The following PRPSAP2 variants were observed in gnomAD, a reference collection of about 807,000 sequenced individuals.
The protein encoded by PRPSAP2 is phosphoribosyl pyrophosphate synthetase associated protein 2.
Under a neutral mutation model 40.6 loss-of-function variants are expected in PRPSAP2, and 24 were observed. That is an observed-to-expected ratio of 0.59 (90% CI 0.43 to 0.83). PRPSAP2 has a LOEUF of 0.83. PRPSAP2 is among the 40% of genes least tolerant of loss of function. The probability of loss-of-function intolerance (pLI) is 0.00; values close to 1 mark genes in which losing one functional copy is unlikely to be tolerated. For synonymous variants in PRPSAP2, 149 were observed against 164.7 expected (o/e 0.90, Z 0.73); for missense variants, 292 against 465.6 (o/e 0.63, Z 3.43).
At chr17:18,929,039 A>G in intron 11 of PRPSAP2, 82 bp downstream of exon 11, 1 of 1,526,290 alleles carries the variant, frequency 6.6e-7, no homozygotes. Context: ...AGTCAGGACA[A>G]GACTGAGATC....
chr17:18,919,617 G>A (rs2041577010), intron 9 of PRPSAP2, among the ~76,000 whole-genome samples: 1 of 152,182 alleles, frequency 6.6e-6, no homozygotes, highest in African/African-American at 2.4e-5. Flanking sequence ...AGTGAGCCAT[G>A]ATGGTGCCAC....
intron 8 of PRPSAP2, among the ~76,000 whole-genome samples, chr17:18,895,510 C>G (rs2039860960): frequency 6.6e-6 from 1 of 151,336 alleles, no homozygotes; most frequent in Non-Finnish European, 1.5e-5. Flanking sequence ...GTTATTCTGA[C>G]ATTGGGCTTT....
At chr17:18,892,745 A>ATTTTTATTATTTT (rs2039649179) in intron 8 of PRPSAP2, among the ~76,000 whole-genome samples, 1 of 125,706 alleles carries the variant, frequency 8.0e-6, no homozygotes, top group African/African-American at 3.0e-5. Flanking sequence ...TTATTTATTT[A>ATTTTTATTATTTT]TTTTTTTGAG....
chr17:18,927,266 C>G (rs1449985123), intron 10 of PRPSAP2, among the ~76,000 whole-genome samples: 2 of 152,226 alleles, frequency 1.3e-5, no homozygotes, highest in African/African-American at 2.4e-5. Context: ...CCACCCAACA[C>G]TGTTGCACTG....
Position 18,885,429 on chromosome 17 carries a change from A to AAAAAAAAAT in PRPSAP2, c.528+2746_528+2747insAAAAAAAAT, listed in dbSNP as rs59891086. On this transcript the variant is annotated intron_variant, in intron 7 of 11. Transcript: ENST00000268835. The stretch of plus-strand genomic sequence containing the variant: ...AAAAAAAAAAAAAAAAAAAAAAAAA[A>AAAAAAAAAT]TTAATATGTGGGAACTCAGTGTTAA... 6.2e-4 allele frequency among the ~76,000 whole-genome samples: 68 copies of AAAAAAAAAT among 109,302 alleles called. 6 individuals carry two copies. Among genetic ancestry groups the AAAAAAAAAT allele is most frequent in the Non-Finnish European group, 6.7e-4 (36 of 53,714 alleles). The allele number at this position is 109,302 out of a possible 152,430, so 71.7% of individuals were successfully genotyped here.
intron 8 of PRPSAP2, among the ~76,000 whole-genome samples, chr17:18,909,025 A>G (rs543771943): frequency 6.6e-5 from 10 of 152,340 alleles, no homozygotes; most frequent in South Asian, 2.1e-4. Flanking sequence ...GCATAAATCA[A>G]TGAAATAGAA....
chr17:18,875,415 A>G (rs1470590372), intron 5 of PRPSAP2, among the ~76,000 whole-genome samples: 1 of 151,842 alleles, frequency 6.6e-6, no homozygotes, highest in East Asian at 1.9e-4. Flanking sequence ...AATACAAAAA[A>G]TTAGCTGGGC....
At chr17:18,872,994 A>T (rs1033948661) in intron 5 of PRPSAP2, among the ~76,000 whole-genome samples, 5 of 151,430 alleles carry the variant, frequency 3.3e-5, no homozygotes, top group Non-Finnish European at 4.4e-5. Context: ...AGTTGGCGCC[A>T]CCACGCCTGG....
intron 5 of PRPSAP2, 86 bp downstream of exon 5, chr17:18,872,735 G>A: frequency 9.5e-7 from 1 of 1,054,150 alleles, no homozygotes. Flanking sequence ...GCCAGGAAGA[G>A]TTATAATAGT....
chr17:18,912,328 C>A (rs1253208315), intron 9 of PRPSAP2, among the ~76,000 whole-genome samples: 1 of 152,158 alleles, frequency 6.6e-6, no homozygotes, highest in African/African-American at 2.4e-5. Context: ...CACTGACCCC[C>A]TTCGTAGAGC....
At chr17:18,884,979 G>A (rs2039025153) in intron 7 of PRPSAP2, among the ~76,000 whole-genome samples, 1 of 152,146 alleles carries the variant, frequency 6.6e-6, no homozygotes, top group Non-Finnish European at 1.5e-5. Context: ...CGAAGGCTGG[G>A]GCACCCTTGT....
intron 7 of PRPSAP2, among the ~76,000 whole-genome samples, chr17:18,885,429 A>AAT (rs59891086): frequency 0.012 from 1,291 of 109,172 alleles, 138 homozygotes; most frequent in African/African-American, 0.043. Flanking sequence ...AAAAAAAAAA[A>AAT]TTAATATGTG....
chr17:18,898,496 C>T (rs138709679), intron 8 of PRPSAP2, among the ~76,000 whole-genome samples: 252 of 152,200 alleles, frequency 1.7e-3, no homozygotes, highest in African/African-American at 5.9e-3. Context: ...TGCTGGTTTT[C>T]CTTCATTTGA....
In PRPSAP2 at chr17:18,930,855, C is replaced by T. The variant is rs576461030; in HGVS notation, c.*157C>T. 1.1e-5 allele frequency: 6 copies of T among 571,290 alleles called. No individual in the cohort carries two copies. The South Asian group carries it at 2.2e-4, about 21-fold the overall frequency. The allele number at this position is 571,290 out of a possible 1,614,324, so 35.4% of individuals were successfully genotyped here. A position where few individuals can be genotyped will look rare whatever the true frequency, so the allele number is the denominator to read the frequency against. ...AAGAAGATAGACCAACTTTTTATGT[C>T]GGTTTGGGTGTTTGTGAGTTTGGGG... On this transcript the variant is annotated 3_prime_UTR_variant, in exon 12 of 12. Transcript: ENST00000268835.
chr17:18,865,795 C>A lies in PRPSAP2; in HGVS notation c.-32-7C>A. 3 of 1,430,162 alleles carry A rather than the reference C, an allele frequency of 2.1e-6. No homozygotes were observed. The highest frequency in any genetic ancestry group is 1.7e-5 in the South Asian group (1 of 60,122). The allele number at this position is 1,430,162 out of a possible 1,614,324, so 88.6% of individuals were successfully genotyped here. On this transcript the variant is annotated splice_polypyrimidine_tract_variant and splice_region_variant and intron_variant, in intron 2 of 11. Transcript: ENST00000268835. ...GGCAGTTTTTAATAAGTATTATATC[C>A]TTCTAGGCTCTGAAAATTGGAAAAC...
intron 8 of PRPSAP2, among the ~76,000 whole-genome samples, chr17:18,909,536 G>GC (rs1040479841): frequency 1.3e-5 from 2 of 151,962 alleles, no homozygotes; most frequent in African/African-American, 2.4e-5. Flanking sequence ...GAGCCACTGC[G>GC]CCCGGCCTAT....
chr17:18,908,606 T>C lies in PRPSAP2; in HGVS notation c.585-2497T>C, dbSNP rs183868256. The C allele has an allele frequency of 2.3e-4, 164 of 724,646 alleles. No homozygotes were observed. In the African/African-American group the frequency reaches 2.6e-3, roughly 12 times the overall value. The allele number at this position is 724,646 out of a possible 1,614,324, so 44.9% of individuals were successfully genotyped here. A position where few individuals can be genotyped will look rare whatever the true frequency, so the allele number is the denominator to read the frequency against. Reference sequence around the variant, plus strand: ...CTGATAATGGAGCTGAAGCCCAACATGGGTAGTGACCATGCCTGGGTCTGG... The same window carrying C: ...CTGATAATGGAGCTGAAGCCCAACACGGGTAGTGACCATGCCTGGGTCTGG... On this transcript the variant is annotated intron_variant, in intron 8 of 11. Coordinates refer to ENST00000268835, the MANE Select transcript of PRPSAP2 (RefSeq NM_002767.4).
chr17:18,930,445 C>T, intron 11 of PRPSAP2, 95 bp from the exon 12 acceptor site: 1 of 1,235,420 alleles, frequency 8.1e-7, no homozygotes, highest in Non-Finnish European at 1.1e-6. Context: ...CCTGTCGTGG[C>T]AAGCCTCAGA....
At position 18,923,896 on chromosome 17, in the gene PRPSAP2, G is replaced by A; in HGVS notation, c.734-18G>A. 1.9e-6 allele frequency: 3 copies of A among 1,592,848 alleles called. No individual in the cohort carries two copies. The highest frequency in any genetic ancestry group is 2.6e-6 in the Non-Finnish European group (3 of 1,169,828). ...TTTTAATATAAAAATTTTGGTGTGT[G>A]TGTTTTATTCCAACCAGTGCTGATT... is the stretch of plus-strand genomic sequence containing the variant. On this transcript the variant is annotated intron_variant, in intron 9 of 11. Coordinates refer to ENST00000268835, the MANE Select transcript of PRPSAP2 (RefSeq NM_002767.4).
Sources: allele counts gnomAD v4.1 joint callset (sites outside exome capture counted in the v4.1 genomes callset), GRCh38; gene constraint gnomAD v4.1.1; transcripts MANE v1.5; gene names NCBI Gene and HGNC (gene_info 2026-07-23, HGNC 2026-07-21).